The following C16orf96 variants were observed in gnomAD, a reference collection of about 807,000 sequenced individuals.
The protein encoded by C16orf96 is chromosome 16 open reading frame 96.
Under a neutral mutation model 103.6 loss-of-function variants are expected in C16orf96, and 108 were observed. The observed-to-expected ratio is 1.04, with a 90% CI of 0.89 to 1.22. C16orf96 has a LOEUF of 1.22. Ranked by LOEUF, C16orf96 falls within the 50% of genes most tolerant of loss-of-function variation. The pLI, the probability that C16orf96 is intolerant of heterozygous loss-of-function variation, is 0.00. For synonymous variants in C16orf96, 566 were observed against 593.5 expected (o/e 0.95, Z 0.67); for missense variants, 1,586 against 1,464.2 (o/e 1.08, Z -1.36).
At chr16:4,597,361 C>G (rs1039459792) in intron 14 of C16orf96, among the ~76,000 whole-genome samples, 3 of 152,208 alleles carry the variant, frequency 2.0e-5, no homozygotes, top group African/African-American at 7.2e-5. Context: ...CACAAATGAC[C>G]AGCTGAGTGA....
intron 11 of C16orf96, among the ~76,000 whole-genome samples, chr16:4,592,568 C>T (rs951626443): frequency 6.6e-6 from 1 of 152,244 alleles, no homozygotes; most frequent in Non-Finnish European, 1.5e-5. Flanking sequence ...TCCACATCCA[C>T]TGTTCTGTAC....
intron 1 of C16orf96, among the ~76,000 whole-genome samples, chr16:4,563,300 G>C (rs1002838903): frequency 1.3e-5 from 2 of 150,930 alleles, no homozygotes. Context: ...CCCAGGCTGG[G>C]GTGCAGTGGC....
In C16orf96 at chr16:4,593,251, C is replaced by T. The variant is rs1179252928; in HGVS notation, c.2802C>T (p.His934=). The T allele has an allele frequency of 1.3e-6, 2 of 1,551,188 alleles. No homozygotes were observed. The highest frequency in any genetic ancestry group is 2.0e-5 in the Admixed American group (1 of 50,998). The change falls in exon 12 of 16, where the codon CAC becomes CAT. Residue 934 remains histidine, a synonymous_variant. Transcript: ENST00000444310. The surrounding 1 kb of genome is among the most constrained non-coding windows in gnomAD (Gnocchi z 4.2). Reference sequence around the variant, plus strand: ...AGCTGATCACCATCCGCAAAGCCCACCTGCTGTCCCGGCTGCGGCCAGCCA... The same window carrying T: ...AGCTGATCACCATCCGCAAAGCCCATCTGCTGTCCCGGCTGCGGCCAGCCA... ...GPQLITIRKA[H]LLSRLRPASA... is the part of the protein sequence containing the mutation.
Position 4,600,439 on chromosome 16 carries a change from C to G in C16orf96, c.*122C>G, listed in dbSNP as rs980691796. ...GGAGGCTGAGGCCTATGTGGCCCCCCACCCCCACCCCCACCAAGTCCCCTC... is the reference window on the plus strand; with the variant it reads ...GGAGGCTGAGGCCTATGTGGCCCCCGACCCCCACCCCCACCAAGTCCCCTC... On this transcript the variant is annotated 3_prime_UTR_variant, in exon 16 of 16. Coordinates refer to ENST00000444310, the MANE Select transcript of C16orf96 (RefSeq NM_001145011.2). 4 of 621,618 alleles carry G rather than the reference C, an allele frequency of 6.4e-6. No homozygotes were observed. In the African/African-American group the frequency reaches 8.2e-5, roughly 13 times the overall value. 38.5% of individuals were successfully genotyped at this position (621,618 alleles called of 1,614,324 possible).
intron 1 of C16orf96, 62 bp downstream of exon 1, chr16:4,556,971 G>A (rs1033811979): frequency 1.4e-5 from 20 of 1,453,128 alleles, no homozygotes; most frequent in Admixed American, 8.2e-5. Context: ...CTCCTGGGAC[G>A]TCTTTTTTTT....
At chr16:4,552,048 T>A (rs2059231077), upstream of C16orf96, among the ~76,000 whole-genome samples, 1 of 152,168 alleles carries the variant, frequency 6.6e-6, no homozygotes, top group South Asian at 2.1e-4. Context: ...TTGCTGAGGA[T>A]GATAGTTTAC....
chr16:4,584,403 A>G (rs1896868366), intron 7 of C16orf96, among the ~76,000 whole-genome samples: 1 of 131,198 alleles, frequency 7.6e-6, no homozygotes, highest in South Asian at 2.6e-4. Context: ...CCTGGAGTGC[A>G]GTGGCGCAAT....
Position 4,591,772 on chromosome 16 carries a change from C to A in C16orf96, c.2699C>A (p.Ala900Asp). Reference protein sequence around the residue: ...EGLRLDPDSAAGFRRKLFKRV... With the variant: ...EGLRLDPDSADGFRRKLFKRV... ...TTAAGACTGGATCCTGACAGTGCTG[C>A]TGGCTTTAGGAGGTGAGTGCCCGCC... is the stretch of plus-strand genomic sequence containing the variant. Residue 900 changes from alanine to aspartate, a missense_variant, in exon 10 of 16, where the codon GCT becomes GAT. Ala to Asp is a moderately radical substitution (Grantham distance 126, BLOSUM62 -2). Coordinates refer to ENST00000444310, the MANE Select transcript of C16orf96 (RefSeq NM_001145011.2). The A allele has an allele frequency of 1.3e-6, 2 of 1,550,524 alleles. No homozygotes were observed. Among genetic ancestry groups the A allele is most frequent in the Non-Finnish European group, 8.7e-7 (1 of 1,146,726 alleles).
At chr16:4,580,281 A>T (rs1480581947) in intron 7 of C16orf96, among the ~76,000 whole-genome samples, 156 bp downstream of exon 7, 1 of 150,380 alleles carries the variant, frequency 6.6e-6, no homozygotes, top group Non-Finnish European at 1.5e-5. Flanking sequence ...TGTAAATTAC[A>T]CTTCAATGAA....
chr16:4,541,211 C>G, the C16orf96 span, among the ~76,000 whole-genome samples: 4 of 152,176 alleles, frequency 2.6e-5, no homozygotes, highest in African/African-American at 9.7e-5. Context: ...CGCGCCCGGC[C>G]TGGATTTTAT....
At chr16:4,541,335 A>G in the C16orf96 span, among the ~76,000 whole-genome samples, 3 of 152,208 alleles carry the variant, frequency 2.0e-5, no homozygotes, top group East Asian at 3.8e-4. Flanking sequence ...ATTTATTTCT[A>G]ATCCCAAAAT....
At chr16:4,579,908 G>A in intron 6 of C16orf96, 107 bp from the exon 7 acceptor site, 1 of 941,150 alleles carries the variant, frequency 1.1e-6, no homozygotes, top group South Asian at 1.5e-5. Context: ...ACCACGCCCA[G>A]CCTGGTCTGG....
chr16:4,591,004 C>G (rs1897046999), intron 9 of C16orf96, among the ~76,000 whole-genome samples: 1 of 151,830 alleles, frequency 6.6e-6, no homozygotes, highest in Non-Finnish European at 1.5e-5. Context: ...TGTACTCCAG[C>G]CAGGGCAACA....
chr16:4,546,070 G>A, the C16orf96 span, among the ~76,000 whole-genome samples: 2 of 151,374 alleles, frequency 1.3e-5, no homozygotes, highest in Non-Finnish European at 2.9e-5. Flanking sequence ...GGCTGATCTC[G>A]AACTCCTGAC....
At position 4,600,627 on chromosome 16, in the gene C16orf96, A is replaced by G. The variant is rs1350618965; in HGVS notation, c.*310A>G. Reference sequence around the variant, plus strand: ...CAGAAAGGGTGCTGGGGCCCTGGATAGAGGGGAGGGGTCTGTGTAGGGGAC... The same window carrying G: ...CAGAAAGGGTGCTGGGGCCCTGGATGGAGGGGAGGGGTCTGTGTAGGGGAC... On this transcript the variant is annotated 3_prime_UTR_variant, in exon 16 of 16. Transcript: ENST00000444310. 9 of 402,350 alleles carry G rather than the reference A, an allele frequency of 2.2e-5. No homozygotes were observed. Among genetic ancestry groups the G allele is most frequent in the Non-Finnish European group, 4.2e-5 (9 of 213,358 alleles). The allele number at this position is 402,350 out of a possible 1,614,324, so 24.9% of individuals were successfully genotyped here.
chr16:4,578,065 G>A (rs539719080), intron 5 of C16orf96, among the ~76,000 whole-genome samples: 7 of 152,096 alleles, frequency 4.6e-5, no homozygotes, highest in South Asian at 2.1e-4. Context: ...GGTTATGATC[G>A]TGCCACTGCA....
At position 4,600,534 on chromosome 16, in the gene C16orf96, A is replaced by T; in HGVS notation, c.*217A>T. 2.6e-6 allele frequency: 1 copy of T among 391,684 alleles called. No homozygotes were observed. The highest frequency in any genetic ancestry group is 4.6e-6 in the Non-Finnish European group (1 of 218,136). The allele number at this position is 391,684 out of a possible 1,614,324, so 24.3% of individuals were successfully genotyped here. On this transcript the variant is annotated 3_prime_UTR_variant, in exon 16 of 16. Coordinates refer to ENST00000444310, the MANE Select transcript of C16orf96 (RefSeq NM_001145011.2). ...AGTCCCCTCCACGTCCGAGGCTGAG[A>T]CCCATATGCCCCCCCCACCCCCACC...
upstream of C16orf96, among the ~76,000 whole-genome samples, chr16:4,555,787 C>G (rs2059257709): frequency 6.6e-6 from 1 of 151,274 alleles, no homozygotes; most frequent in Non-Finnish European, 1.5e-5. Context: ...GCCTCAAACT[C>G]CTGGCTTCAA....
At chr16:4,552,009 G>A (rs550516132), upstream of C16orf96, among the ~76,000 whole-genome samples, 4 of 151,992 alleles carry the variant, frequency 2.6e-5, no homozygotes, top group Non-Finnish European at 2.9e-5. Context: ...GAGAATATGC[G>A]GTGTTTGGTT....
Sources: gnomAD v4.1 joint callset for allele counts (sites outside exome capture counted in the v4.1 genomes callset) on GRCh38, gnomAD v4.1.1 for gene constraint, Gnocchi (gnomAD v3.1) non-coding constraint, MANE v1.5 for transcripts, NCBI Gene and HGNC (gene_info 2026-07-23, HGNC 2026-07-21) for gene names.